REV3L: variants seen among roughly 807,000 people sequenced by gnomAD.
The protein encoded by REV3L is REV3 like, DNA directed polymerase zeta catalytic subunit.
REV3L carries 69 observed loss-of-function variants against 299.4 expected under a neutral mutation model. That is an observed-to-expected ratio of 0.23 (90% confidence interval 0.19 to 0.28). REV3L has a LOEUF of 0.28. REV3L is among the 10% of genes least tolerant of loss of function. The probability of loss-of-function intolerance (pLI) is 1.00; values close to 1 mark genes in which losing one functional copy is unlikely to be tolerated. For missense variants in REV3L, 3,128 were observed against 3,693.8 expected, an observed-to-expected ratio of 0.85 and a Z score of 3.97; for synonymous variants, 1,238 against 1,271.4, an observed-to-expected ratio of 0.97 and a Z score of 0.56.
chr6:111,414,305 G>A (rs903329135), intron 2 of REV3L, among the ~76,000 whole-genome samples: 1 of 152,032 alleles, frequency 6.6e-6, no homozygotes, highest in Admixed American at 6.6e-5. Flanking sequence ...AACACTCAAG[G>A]AAAGAAAATT....
rs753649408 is a variant in REV3L at position 111,367,359 on chromosome 6, A to G, written c.6429T>C (p.Asp2143=). ...GCTCCTCTACTGGTGATGAGGGTCT[A>G]TCATCTCCATTTAATGCTTTGGAAT... ...SPDSKALNGD[D]RPSSPVEELP... The change falls in exon 14 of 32, where the codon GAT becomes GAC. Residue 2143 remains aspartate, a synonymous_variant. Transcript: ENST00000368802. 9 of 1,607,594 alleles carry G rather than the reference A, an allele frequency of 5.6e-6. No individual in the cohort carries two copies. The highest frequency in any genetic ancestry group is 4.0e-5 in the African/African-American group (3 of 74,494).
chr6:111,329,743 C>A lies in REV3L; in HGVS notation c.8035-5G>T, dbSNP rs1198952974. The A allele has an allele frequency of 6.2e-7, 1 of 1,605,810 alleles. No homozygotes were observed. The highest frequency in any genetic ancestry group is 1.1e-5 in the South Asian group (1 of 90,648). ...TACACCTTTTCTTACTGAAGGCTAT[C>A]ATAAAGAAAAAAAATGTTTAAAACC... On this transcript the variant is annotated splice_region_variant and splice_polypyrimidine_tract_variant and intron_variant, in intron 24 of 31. Coordinates refer to ENST00000368802, the MANE Select transcript of REV3L (RefSeq NM_001372078.1).
At chr6:111,363,455 G>A (rs774454651) in intron 16 of REV3L, among the ~76,000 whole-genome samples, 21 of 152,030 alleles carry the variant, frequency 1.4e-4, no homozygotes, top group Non-Finnish European at 2.6e-4. Context: ...ATAGGTGCGC[G>A]CCACCATGCT....
At chr6:111,448,479 C>T (rs1789121926) in intron 1 of REV3L, among the ~76,000 whole-genome samples, 1 of 152,046 alleles carries the variant, frequency 6.6e-6, no homozygotes, top group African/African-American at 2.4e-5. Flanking sequence ...GGACCACAGG[C>T]ACCGGCCACC....
rs370157981 is a variant in REV3L, at chr6:111,373,166, T to G, written c.5189A>C (p.Lys1730Thr). ...SGTLSPEIFE[K>T]STIDSNENRR... Reference sequence around the variant, plus strand: ...ATTCTCATTGCTATCTATGGTTGACTTCTCAAAAATTTCAGGACTTAAAGT... The same window carrying G: ...ATTCTCATTGCTATCTATGGTTGACGTCTCAAAAATTTCAGGACTTAAAGT... The change falls in exon 13 of 32, where the codon AAG becomes ACG. Residue 1730 changes from lysine to threonine, a missense_variant. This residue lies in a region of REV3L where 2,409 missense variants were observed against 2,611.8 expected (regional missense o/e 0.92). Transcript: ENST00000368802. 6.2e-7 allele frequency: 1 copy of G among 1,614,172 alleles called. No homozygotes were observed. Among genetic ancestry groups the G allele is most frequent in the Non-Finnish European group, 8.5e-7 (1 of 1,180,004 alleles).
intron 30 of REV3L, chr6:111,308,180 T>TTA (rs1358993304): frequency 2.4e-6 from 1 of 422,158 alleles, no homozygotes; most frequent in Non-Finnish European, 4.7e-6. Flanking sequence ...TAATCCAGTC[T>TTA]ATCATTGATG....
At chr6:111,317,339 C>G (rs554147257) in intron 26 of REV3L, among the ~76,000 whole-genome samples, 1 of 152,242 alleles carries the variant, frequency 6.6e-6, no homozygotes, top group South Asian at 2.1e-4. Flanking sequence ...AATATTGTCT[C>G]AATCTGAATT....
chr6:111,451,243 T>C (rs925465561), intron 1 of REV3L, among the ~76,000 whole-genome samples: 8 of 152,208 alleles, frequency 5.3e-5, no homozygotes, highest in African/African-American at 1.9e-4. Flanking sequence ...ATATTTATTA[T>C]ATAGTCCAAC....
intron 1 of REV3L, among the ~76,000 whole-genome samples, chr6:111,470,134 A>G (rs1428777431): frequency 2.0e-5 from 3 of 149,646 alleles, no homozygotes; most frequent in African/African-American, 4.9e-5. Flanking sequence ...ATTGCTTCAG[A>G]AAAAAAAAAT....
chr6:111,396,228 T>C (rs1317901187), intron 4 of REV3L, among the ~76,000 whole-genome samples: 1 of 152,056 alleles, frequency 6.6e-6, no homozygotes, highest in Admixed American at 6.6e-5. Context: ...GGTTTCACCA[T>C]GTTGCCCAGG....
Position 111,367,632 on chromosome 6 carries a change from T to C in REV3L, c.6156A>G (p.Lys2052=). The change falls in exon 14 of 32, where the codon AAA becomes AAG. Residue 2052 remains lysine, a synonymous_variant. Coordinates refer to ENST00000368802, the MANE Select transcript of REV3L (RefSeq NM_001372078.1). ...NPDDKPVVPP[K]MDVSPCILPT... is the part of the protein sequence containing the mutation. ...GGAGTATACATGGACTTACATCCAT[T>C]TTTGGAGGCACTACAGGTTTGTCAT... 2 of 1,614,082 alleles carry C rather than the reference T, an allele frequency of 1.2e-6. No individual in the cohort carries two copies. Among genetic ancestry groups the C allele is most frequent in the Non-Finnish European group, 1.7e-6 (2 of 1,180,012 alleles).
intron 26 of REV3L, among the ~76,000 whole-genome samples, chr6:111,318,599 T>G (rs1773793446): frequency 1.3e-5 from 2 of 151,998 alleles, no homozygotes; most frequent in Non-Finnish European, 2.9e-5. Flanking sequence ...GAGATGGAGT[T>G]TTGCTCTTGT....
intron 1 of REV3L, among the ~76,000 whole-genome samples, chr6:111,432,153 A>C (rs902942307): frequency 1.3e-5 from 2 of 152,214 alleles, no homozygotes; most frequent in Non-Finnish European, 2.9e-5. Context: ...AAAAGGAAGG[A>C]GTTCTAAAAC....
Position 111,392,886 on chromosome 6 carries a change from C to T in REV3L, c.652G>A (p.Glu218Lys), listed in dbSNP as rs1300282306. Residue 218 changes from glutamate to lysine, a missense_variant, in exon 5 of 32, where the codon GAA becomes AAA. Glu to Lys is a moderately conservative substitution (Grantham distance 56). Coordinates refer to ENST00000368802, the MANE Select transcript of REV3L (RefSeq NM_001372078.1). ...ADTLFRWEQD[E>K]IPSSLILEGV... ...ACAACATTAACTAACCTTGGTATTT[C>T]ATCTTGTTCCCACCGAAATAAAGTA... 1 of 1,606,324 alleles carries T rather than the reference C, an allele frequency of 6.2e-7. No homozygotes were observed. The highest frequency in any genetic ancestry group is 8.5e-7 in the Non-Finnish European group (1 of 1,173,164).
At chr6:111,349,446 T>C in intron 19 of REV3L, 110 bp from the exon 20 acceptor site, 1 of 500,592 alleles carries the variant, frequency 2.0e-6, no homozygotes. Context: ...AAAGATGAAA[T>C]ATAATTCACA....
intron 1 of REV3L, among the ~76,000 whole-genome samples, chr6:111,437,212 T>A (rs145441210): frequency 2.6e-5 from 4 of 152,282 alleles, no homozygotes; most frequent in Non-Finnish European, 4.4e-5. Flanking sequence ...AGAGTTATCA[T>A]ATGACCAGCA....
intron 30 of REV3L, chr6:111,307,825 C>A (rs1772499114): frequency 2.3e-6 from 1 of 436,988 alleles, no homozygotes; most frequent in Non-Finnish European, 4.1e-6. Flanking sequence ...AATTTAAGTT[C>A]TAGGGTATGT....
At chr6:111,430,568 T>G in intron 1 of REV3L, 1 of 1,567,052 alleles carries the variant, frequency 6.4e-7, no homozygotes, top group Non-Finnish European at 8.7e-7. Flanking sequence ...ACTTCATGGC[T>G]GACTTGCAGA....
intron 21 of REV3L, among the ~76,000 whole-genome samples, chr6:111,342,701 CTG>C (rs1031177424): frequency 6.6e-6 from 1 of 150,988 alleles, no homozygotes; most frequent in African/African-American, 2.4e-5. Flanking sequence ...GATCCAAAGA[CTG>C]AGGTTAGACA....
Sources: gnomAD v4.1 joint callset for allele counts (sites outside exome capture counted in the v4.1 genomes callset) on GRCh38, gnomAD v4.1.1 for gene constraint, gnomAD v4.1.1 regional missense constraint, MANE v1.5 for transcripts, NCBI Gene and HGNC (gene_info 2026-07-23, HGNC 2026-07-21) for gene names.